Variants in WDR33 observed in about 807,000 individuals in gnomAD.
The protein encoded by WDR33 is pre-mRNA 3' end processing protein WDR33.
WDR33 carries 47 observed loss-of-function variants against 164.9 expected under a neutral mutation model. That is an observed-to-expected ratio of 0.29 (90% CI 0.23 to 0.36). The LOEUF (loss-of-function observed/expected upper bound fraction) is 0.36. Among genes scored for constraint, WDR33 ranks in the 10% least tolerant of loss-of-function variants. The pLI, the probability that WDR33 is intolerant of heterozygous loss-of-function variation, is 1.00. For missense variants in WDR33, 1,137 were observed against 1,754.1 expected, an observed-to-expected ratio of 0.65 and a Z score of 6.28; for synonymous variants, 505 against 589.0, an observed-to-expected ratio of 0.86 and a Z score of 2.06.
At position 127,747,405 on chromosome 2, in the gene WDR33, T is replaced by C. The variant is rs1176260988; in HGVS notation, c.724+15657A>G. ...CATTTTATCCTCAGTTTGGTCCAAA[T>C]CAACAATATTTTAGGGCTACCGCTG... On this transcript the variant is annotated intron_variant, in intron 7 of 21. Coordinates refer to ENST00000322313, the MANE Select transcript of WDR33 (RefSeq NM_018383.5). Among the ~76,000 whole-genome samples, 15 of 146,370 alleles carry C rather than the reference T, an allele frequency of 1.0e-4. 1 individual carries two copies. Among genetic ancestry groups the C allele is most frequent in the Admixed American group, 1.0e-3 (15 of 14,674 alleles).
In WDR33 at chr2:127,726,511, A is replaced by G; in HGVS notation, c.851+140T>C. The G allele has an allele frequency of 8.8e-7, 1 of 1,136,698 alleles. No individual in the cohort carries two copies. The highest frequency in any genetic ancestry group is 1.2e-6 in the Non-Finnish European group (1 of 818,374). The allele number at this position is 1,136,698 out of a possible 1,614,324, so 70.4% of individuals were successfully genotyped here. ...AGAGATGAATCATATTTAATTCATAAGAAGTCTATAGATCCAAGTCCATCT... is the reference window on the plus strand; with the variant it reads ...AGAGATGAATCATATTTAATTCATAGGAAGTCTATAGATCCAAGTCCATCT... On this transcript the variant is annotated intron_variant, in intron 8 of 21. Transcript: ENST00000322313. The surrounding 1 kb of genome is among the most constrained non-coding windows in gnomAD (Gnocchi z 4.8).
At position 127,741,080 on chromosome 2, in the gene WDR33, T is replaced by C. The variant is rs1181612724; in HGVS notation, c.725-14303A>G. Among the ~76,000 whole-genome samples, 1 of 152,200 alleles carries C rather than the reference T, an allele frequency of 6.6e-6. No individual in the cohort carries two copies. Among genetic ancestry groups the C allele is most frequent in the Non-Finnish European group, 1.5e-5 (1 of 68,026 alleles). ...TGTGATGAAGTAATGAGGGTAATTATAGGGAGACTTGTCCAGGTTGTCCCT... is the reference window on the plus strand; with the variant it reads ...TGTGATGAAGTAATGAGGGTAATTACAGGGAGACTTGTCCAGGTTGTCCCT... On this transcript the variant is annotated intron_variant, in intron 7 of 21. Transcript: ENST00000322313. The surrounding 1 kb of genome is among the most constrained non-coding windows in gnomAD (Gnocchi z 4.1).
chr2:127,781,393 G>C (rs1444198545), intron 1 of WDR33, among the ~76,000 whole-genome samples: 1 of 152,104 alleles, frequency 6.6e-6, no homozygotes, highest in African/African-American at 2.4e-5. Context: ...TGATTATGGT[G>C]GCGAACACAG....
chr2:127,711,774 A>ATT (rs1382438028), intron 18 of WDR33, among the ~76,000 whole-genome samples: 2 of 93,350 alleles, frequency 2.1e-5, no homozygotes, highest in African/African-American at 1.1e-4. Flanking sequence ...ATATATATAT[A>ATT]TATATATTTT....
At chr2:127,784,196 G>T (rs1291531920) in intron 1 of WDR33, among the ~76,000 whole-genome samples, 2 of 151,780 alleles carry the variant, frequency 1.3e-5, no homozygotes, top group African/African-American at 2.4e-5. Flanking sequence ...TTAAGTATAT[G>T]AAAAATAGCC....
Position 127,719,202 on chromosome 2 carries a change from C to T in WDR33, c.2760+63G>A. On this transcript the variant is annotated intron_variant, in intron 16 of 21. Transcript: ENST00000322313. This position sits in a 1 kb window ranked among gnomAD's most constrained non-coding sequence, Gnocchi z 6.5. ...TGTGACCATTTTCCACAATACTCAG[C>T]AGTATTACTTCTGTGCAGAGTGTAT... The T allele has an allele frequency of 2.2e-6, 3 of 1,346,808 alleles. No individual in the cohort carries two copies. The highest frequency in any genetic ancestry group is 2.9e-6 in the Non-Finnish European group (3 of 1,049,534). The allele number at this position is 1,346,808 out of a possible 1,614,324, so 83.4% of individuals were successfully genotyped here.
At position 127,770,354 on chromosome 2, in the gene WDR33, G is replaced by A. The variant is rs930726402; in HGVS notation, c.204+424C>T. ...GTGTCCCACTAATTCAACTAACACA[G>A]GTATACATACTTACTACACTACATC... On this transcript the variant is annotated intron_variant, in intron 2 of 21. Transcript: ENST00000322313. This position sits in a 1 kb window ranked among gnomAD's most constrained non-coding sequence, Gnocchi z 4.9. 5.3e-5 allele frequency among the ~76,000 whole-genome samples: 8 copies of A among 152,096 alleles called. No individual in the cohort carries two copies. Among genetic ancestry groups the A allele is most frequent in the Non-Finnish European group, 8.8e-5 (6 of 68,022 alleles).
At chr2:127,794,192 TAAGC>T (rs57485325) in intron 1 of WDR33, among the ~76,000 whole-genome samples, 143,312 of 151,544 alleles carry the variant, frequency 0.95, 67,719 homozygotes, top group East Asian at 1. Context: ...AGAAAGAAAG[TAAGC>T]AAGCAAGCAA....
chr2:127,760,681 T>G (rs1030155937), intron 7 of WDR33, among the ~76,000 whole-genome samples: 1 of 152,198 alleles, frequency 6.6e-6, no homozygotes, highest in Non-Finnish European at 1.5e-5. Flanking sequence ...AATTACTGCT[T>G]GGGTGGTATA....
At chr2:127,742,292 C>A (rs2105403649) in intron 7 of WDR33, among the ~76,000 whole-genome samples, 1 of 151,898 alleles carries the variant, frequency 6.6e-6, no homozygotes, top group South Asian at 2.1e-4. Context: ...CCTTGGGAGG[C>A]CAAGGTATGT....
chr2:127,766,578 C>T (rs538299684), intron 4 of WDR33, among the ~76,000 whole-genome samples: 4 of 152,206 alleles, frequency 2.6e-5, no homozygotes, highest in East Asian at 1.9e-4. Flanking sequence ...AACCTTATAG[C>T]GTAATCCCCA....
intron 1 of WDR33, among the ~76,000 whole-genome samples, chr2:127,787,262 TAC>T: frequency 9.2e-6 from 1 of 108,996 alleles, no homozygotes. Context: ...TACTTCTTTC[TAC>T]ACAGACACGG....
rs1686022630 is a variant in WDR33, at chr2:127,706,633, T to G, written c.3782-81A>C. The G allele has an allele frequency of 1.5e-6, 2 of 1,298,964 alleles. No individual in the cohort carries two copies. The highest frequency in any genetic ancestry group is 2.1e-6 in the Non-Finnish European group (2 of 936,920). 80.5% of individuals were successfully genotyped at this position (1,298,964 alleles called of 1,614,324 possible). ...AACTCCCAGTACAAACTTTACTCTC[T>G]GATGACAATGGACCAGTTCTGGTGG... On this transcript the variant is annotated intron_variant, in intron 21 of 21. Transcript: ENST00000322313. This position sits in a 1 kb window ranked among gnomAD's most constrained non-coding sequence, Gnocchi z 5.1.
chr2:127,770,688 T>G lies in WDR33; in HGVS notation c.204+90A>C. ...CCTGGGCAACAAGAAAGAAACTCCA[T>G]CTCAAAATAAATAAATAAATAAATA... On this transcript the variant is annotated intron_variant, in intron 2 of 21. Coordinates refer to ENST00000322313, the MANE Select transcript of WDR33 (RefSeq NM_018383.5). This position sits in a 1 kb window ranked among gnomAD's most constrained non-coding sequence, Gnocchi z 4.9. 1 of 916,598 alleles carries G rather than the reference T, an allele frequency of 1.1e-6. No homozygotes were observed. Among genetic ancestry groups the G allele is most frequent in the Non-Finnish European group, 1.4e-6 (1 of 709,158 alleles). The allele number at this position is 916,598 out of a possible 1,614,324, so 56.8% of individuals were successfully genotyped here.
intron 7 of WDR33, among the ~76,000 whole-genome samples, chr2:127,743,132 G>A (rs1285830884): frequency 6.6e-6 from 1 of 152,202 alleles, no homozygotes; most frequent in East Asian, 1.9e-4. Context: ...TGAGAAAAAT[G>A]TTTGAGGATT....
Position 127,757,097 on chromosome 2 carries a change from C to T in WDR33, c.724+5965G>A, listed in dbSNP as rs13431870. ...GTCTCCAAAAAAAAAAAAAAAAAGT[C>T]GAATCTTCACATACAAAAGAGTGCC... On this transcript the variant is annotated intron_variant, in intron 7 of 21. Transcript: ENST00000322313. 1.0e-2 allele frequency among the ~76,000 whole-genome samples: 1,472 copies of T among 147,750 alleles called. 19 individuals carry two copies. Among genetic ancestry groups the T allele is most frequent in the African/African-American group, 0.035 (1,399 of 39,544 alleles).
At chr2:127,776,070 A>T (rs1487284769) in intron 1 of WDR33, among the ~76,000 whole-genome samples, 1 of 152,196 alleles carries the variant, frequency 6.6e-6, no homozygotes, top group African/African-American at 2.4e-5. Flanking sequence ...CCCCTCAAAA[A>T]TTCACAAATG....
chr2:127,772,752 C>CA (rs1412398166), intron 1 of WDR33, among the ~76,000 whole-genome samples: 1 of 152,090 alleles, frequency 6.6e-6, no homozygotes, highest in Non-Finnish European at 1.5e-5. Flanking sequence ...TATAGTTTTT[C>CA]AGCTTCAATG....
chr2:127,780,791 C>T (rs1311050823), intron 1 of WDR33, among the ~76,000 whole-genome samples: 1 of 152,188 alleles, frequency 6.6e-6, no homozygotes, highest in Non-Finnish European at 1.5e-5. Context: ...GAGCCATGAT[C>T]ACACCACTGC....
Sources: allele counts gnomAD v4.1 joint callset (sites outside exome capture counted in the v4.1 genomes callset), GRCh38; gene constraint gnomAD v4.1.1; non-coding constraint Gnocchi (gnomAD v3.1); transcripts MANE v1.5; gene names NCBI Gene and HGNC (gene_info 2026-07-23, HGNC 2026-07-21).